FAP: variants seen among roughly 807,000 people sequenced by gnomAD.
The protein encoded by FAP is prolyl endopeptidase FAP.
In FAP, 110 loss-of-function variants were observed where a neutral mutation model predicts 126.5. That is an observed-to-expected ratio of 0.87 (90% CI 0.74 to 1.02). The LOEUF (loss-of-function observed/expected upper bound fraction) is 1.02. FAP is among the 50% of genes least tolerant of loss of function. The pLI is 0.00. For synonymous variants in FAP, 334 were observed against 297.3 expected (o/e 1.12, Z -1.27); for missense variants, 919 against 909.2 (o/e 1.01, Z -0.14).
chr2:162,204,984 C>G (rs1204059157), intron 12 of FAP, among the ~76,000 whole-genome samples: 1 of 152,136 alleles, frequency 6.6e-6, no homozygotes, highest in African/African-American at 2.4e-5. Context: ...TCATATCACA[C>G]CACATCCAAA....
rs1461269146 is a variant in FAP, at chr2:162,208,670, A to G, written c.1047+1282T>C. Among the ~76,000 whole-genome samples, 7 of 152,318 alleles carry G rather than the reference A, an allele frequency of 4.6e-5. No homozygotes were observed. The South Asian group carries it at 1.2e-3, about 27-fold the overall frequency. On this transcript the variant is annotated intron_variant, in intron 12 of 25. Transcript: ENST00000188790. ...GTAGATTTTTTTTCCTCAAAATTTC[A>G]AATACCGATCTAAGAATTACCTTTC...
intron 2 of FAP, among the ~76,000 whole-genome samples, chr2:162,242,344 G>C (rs561813802): frequency 6.6e-6 from 1 of 152,134 alleles, no homozygotes; most frequent in Admixed American, 6.5e-5. Flanking sequence ...ATTTATGACT[G>C]ATCAAAATGC....
intron 15 of FAP, among the ~76,000 whole-genome samples, chr2:162,199,445 A>G (rs1272588351): frequency 1.3e-5 from 2 of 152,112 alleles, no homozygotes; most frequent in Non-Finnish European, 2.9e-5. Flanking sequence ...CCCCCTCCAC[A>G]CAGTCTACAC....
intron 16 of FAP, among the ~76,000 whole-genome samples, chr2:162,196,388 C>A (rs1688252015): frequency 6.6e-6 from 1 of 152,080 alleles, no homozygotes; most frequent in South Asian, 2.1e-4. Context: ...AGGACAAATA[C>A]ACATATTACA....
intron 23 of FAP, 86 bp downstream of exon 23, chr2:162,173,636 TA>T: frequency 1.1e-6 from 1 of 933,150 alleles, no homozygotes; most frequent in Non-Finnish European, 1.7e-6. Flanking sequence ...GGCCCAGAAT[TA>T]AAACTGTAAA....
At chr2:162,178,408 G>T (rs1014029516) in intron 21 of FAP, among the ~76,000 whole-genome samples, 1 of 152,154 alleles carries the variant, frequency 6.6e-6, no homozygotes, top group African/African-American at 2.4e-5. Flanking sequence ...ATAGGGGGCT[G>T]TCCTATGTAT....
chr2:162,232,946 G>A (rs1008722801), intron 2 of FAP, among the ~76,000 whole-genome samples: 3 of 152,032 alleles, frequency 2.0e-5, no homozygotes, highest in East Asian at 1.9e-4. Context: ...ATCTCTACTT[G>A]ACATTTTGGC....
intron 12 of FAP, among the ~76,000 whole-genome samples, chr2:162,208,491 TG>T (rs539023497): frequency 6.6e-5 from 10 of 152,232 alleles, no homozygotes; most frequent in Admixed American, 5.9e-4. Flanking sequence ...AAAGGGTTGT[TG>T]GTATCATTGT....
Position 162,194,721 on chromosome 2 carries a change from T to G in FAP, c.1430A>C (p.His477Pro), listed in dbSNP as rs762951214. The change falls in exon 17 of 26, where the codon CAT becomes CCT. Residue 477 changes from histidine to proline, a missense_variant. Transcript: ENST00000188790. ...AGTACCTTGATCAGTGCGTCCATCA[T>G]GAAGGGTGGAAATGGGGATGCCTGG... Reference protein sequence around the residue: ...YGPGIPISTLHDGRTDQEIKI... With the variant: ...YGPGIPISTLPDGRTDQEIKI... The G allele has an allele frequency of 2.5e-6, 4 of 1,613,600 alleles. No homozygotes were observed. Among genetic ancestry groups the G allele is most frequent in the Non-Finnish European group, 3.4e-6 (4 of 1,179,696 alleles).
intron 16 of FAP, chr2:162,195,006 T>C (rs955250578): frequency 6.2e-6 from 3 of 486,648 alleles, no homozygotes; most frequent in Non-Finnish European, 7.5e-6. Flanking sequence ...CCTGAATCAT[T>C]AATATCGAAT....
At chr2:162,241,242 T>C (rs1048230727) in intron 2 of FAP, among the ~76,000 whole-genome samples, 3 of 152,242 alleles carry the variant, frequency 2.0e-5, no homozygotes, top group Non-Finnish European at 4.4e-5. Context: ...CTTAGAATTT[T>C]CCTGTTAGTT....
chr2:162,203,080 C>T lies in FAP; in HGVS notation c.1113G>A (p.Lys371=), dbSNP rs1229720217. 3 of 1,613,506 alleles carry T rather than the reference C, an allele frequency of 1.9e-6. No individual in the cohort carries two copies. ...TATAGTGAATATGTTTGTAGCCATC[C>T]TTGTCACTAAATATTTTGTAGTACG... is the stretch of plus-strand genomic sequence containing the variant. ...AISYYKIFSD[K]DGYKHIHYIK... The change falls in exon 13 of 26, where the codon AAG becomes AAA. Residue 371 remains lysine, a synonymous_variant. Transcript: ENST00000188790.
In FAP at chr2:162,183,406, C is replaced by A. The variant is rs1008938240; in HGVS notation, c.1869+8G>T. ...AATAACAGGCATAAAAAATATAAAA[C>A]AACTCACCCAGCCCCATATGGCTAT... On this transcript the variant is annotated splice_region_variant and intron_variant, in intron 21 of 25. Coordinates refer to ENST00000188790, the MANE Select transcript of FAP (RefSeq NM_004460.5). 44 of 1,600,574 alleles carry A rather than the reference C, an allele frequency of 2.7e-5. No individual in the cohort carries two copies. Among genetic ancestry groups the A allele is most frequent in the Non-Finnish European group, 3.7e-5 (43 of 1,170,724 alleles).
At chr2:162,222,902 A>G (rs965188592) in intron 6 of FAP, among the ~76,000 whole-genome samples, 3 of 152,090 alleles carry the variant, frequency 2.0e-5, no homozygotes, top group Non-Finnish European at 4.4e-5. Flanking sequence ...CAAACGCACA[A>G]TGCTCTCCCT....
intron 23 of FAP, 102 bp downstream of exon 23, chr2:162,173,621 T>C: frequency 1.2e-6 from 1 of 802,756 alleles, no homozygotes; most frequent in South Asian, 1.6e-5. Flanking sequence ...TGATATTTGC[T>C]TGGGGGCCCA....
chr2:162,197,095 C>T (rs1344489605), intron 16 of FAP, among the ~76,000 whole-genome samples: 2 of 152,178 alleles, frequency 1.3e-5, no homozygotes, highest in Non-Finnish European at 2.9e-5. Flanking sequence ...AGAATGCATA[C>T]ATATATAAAT....
intron 12 of FAP, among the ~76,000 whole-genome samples, chr2:162,204,002 G>A (rs537335547): frequency 6.6e-6 from 1 of 152,286 alleles, no homozygotes; most frequent in South Asian, 2.1e-4. Context: ...TTGGTGAAAT[G>A]ATGGCAAATC....
chr2:162,202,607 G>A (rs929398118), intron 14 of FAP, among the ~76,000 whole-genome samples: 2 of 152,136 alleles, frequency 1.3e-5, no homozygotes, highest in African/African-American at 4.8e-5. Flanking sequence ...CCTTTAGAAC[G>A]AGTTATTATC....
At chr2:162,214,876 C>T (rs1158853660) in intron 10 of FAP, among the ~76,000 whole-genome samples, 1 of 152,062 alleles carries the variant, frequency 6.6e-6, no homozygotes, top group African/African-American at 2.4e-5. Context: ...TGGCCGCGTG[C>T]TTAAACCGCT....
Sources: allele counts gnomAD v4.1 joint callset (sites outside exome capture counted in the v4.1 genomes callset), GRCh38; gene constraint gnomAD v4.1.1; transcripts MANE v1.5; gene names NCBI Gene and HGNC (gene_info 2026-07-23, HGNC 2026-07-21).